The following NBEA variants were observed in gnomAD, a reference collection of about 807,000 sequenced individuals.
The protein encoded by NBEA is lysosomal-trafficking regulator 2.
A neutral mutation model predicts 343.4 loss-of-function variants in NBEA; 44 were observed. That is an observed-to-expected ratio of 0.13 (90% CI 0.10 to 0.16). The LOEUF is 0.16. Among genes scored for constraint, NBEA ranks in the 10% least tolerant of loss-of-function variants. The pLI is 1.00. For missense variants in NBEA, 2,555 were observed against 3,631.3 expected (o/e 0.70, Z 7.62); for synonymous variants, 1,175 against 1,238.7 (o/e 0.95, Z 1.08).
At chr13:35,295,165 T>C (rs547401879) in intron 35 of NBEA, among the ~76,000 whole-genome samples, 2 of 148,792 alleles carry the variant, frequency 1.3e-5, no homozygotes, top group East Asian at 3.9e-4. Flanking sequence ...TAATATTTAT[T>C]TGTTTATCTA....
At chr13:35,157,363 T>C in intron 21 of NBEA, 93 bp downstream of exon 21, 1 of 987,930 alleles carries the variant, frequency 1.0e-6, no homozygotes, top group Non-Finnish European at 1.4e-6. Flanking sequence ...TGTGGGCATC[T>C]TAGATTTTGA....
chr13:35,038,172 G>A (rs1189240836), intron 1 of NBEA, among the ~76,000 whole-genome samples: 1 of 152,044 alleles, frequency 6.6e-6, no homozygotes, highest in African/African-American at 2.4e-5. Flanking sequence ...GAGGAGTACT[G>A]CCAGAGTACC....
At chr13:35,235,877 G>A (rs1003613244) in intron 34 of NBEA, among the ~76,000 whole-genome samples, 4 of 151,886 alleles carry the variant, frequency 2.6e-5, no homozygotes, top group Non-Finnish European at 5.9e-5. Context: ...AGGTGAACCT[G>A]GATTTTTTTT....
At chr13:35,546,223 A>G (rs568938734) in intron 41 of NBEA, among the ~76,000 whole-genome samples, 18 of 152,286 alleles carry the variant, frequency 1.2e-4, no homozygotes, top group African/African-American at 4.3e-4. Flanking sequence ...AACAGTGATA[A>G]GATAGGCTGT....
intron 10 of NBEA, among the ~76,000 whole-genome samples, chr13:35,095,867 C>T (rs2065307780): frequency 6.6e-6 from 1 of 151,884 alleles, no homozygotes; most frequent in South Asian, 2.1e-4. Flanking sequence ...CAGATACTTG[C>T]TTTTTGGTTT....
intron 38 of NBEA, 133 bp from the exon 39 acceptor site, chr13:35,432,136 A>G: frequency 1.8e-6 from 1 of 550,888 alleles, no homozygotes; most frequent in Non-Finnish European, 3.0e-6. Flanking sequence ...ATACAAGTGT[A>G]AAATATAAGT....
intron 38 of NBEA, among the ~76,000 whole-genome samples, chr13:35,426,250 C>T (rs907280141): frequency 2.6e-5 from 4 of 152,176 alleles, no homozygotes; most frequent in African/African-American, 9.7e-5. Flanking sequence ...CCTCGATGTT[C>T]GTTACAATTT....
At chr13:35,667,043 G>C (rs546357459) in intron 56 of NBEA, among the ~76,000 whole-genome samples, 38 of 152,232 alleles carry the variant, frequency 2.5e-4, no homozygotes, top group African/African-American at 9.1e-4. Flanking sequence ...TTCTAAAAGC[G>C]TATTAAGAGA....
At chr13:35,184,443 T>C (rs1217053532) in intron 30 of NBEA, among the ~76,000 whole-genome samples, 9 of 152,050 alleles carry the variant, frequency 5.9e-5, no homozygotes, top group Admixed American at 5.9e-4. Flanking sequence ...AACTGATCTA[T>C]ACGTTATTTA....
At chr13:35,109,878 T>C (rs1566299110) in intron 12 of NBEA, among the ~76,000 whole-genome samples, 2 of 151,826 alleles carry the variant, frequency 1.3e-5, no homozygotes, top group African/African-American at 4.8e-5. Context: ...TTCCAGATAA[T>C]AACAGAAAAT....
At chr13:35,091,528 C>T (rs528372263) in intron 10 of NBEA, among the ~76,000 whole-genome samples, 24 of 151,976 alleles carry the variant, frequency 1.6e-4, no homozygotes, top group African/African-American at 5.5e-4. Context: ...ACATGATTGT[C>T]TATGTAAAAA....
chr13:35,562,000 C>T (rs908775767), intron 44 of NBEA, among the ~76,000 whole-genome samples: 9 of 151,872 alleles, frequency 5.9e-5, no homozygotes, highest in African/African-American at 9.7e-5. Flanking sequence ...AAAGTCTAAC[C>T]GTAAATATCA....
intron 36 of NBEA, among the ~76,000 whole-genome samples, chr13:35,309,846 T>C (rs2037234634): frequency 6.6e-6 from 1 of 152,074 alleles, no homozygotes; most frequent in South Asian, 2.1e-4. Flanking sequence ...TTTTACTGAG[T>C]AGTAAAGTTG....
At chr13:35,028,495 T>C (rs1018706450) in intron 1 of NBEA, among the ~76,000 whole-genome samples, 5 of 151,880 alleles carry the variant, frequency 3.3e-5, no homozygotes, top group African/African-American at 1.2e-4. Context: ...TGTATGTTGA[T>C]CCTGTTACCT....
intron 44 of NBEA, among the ~76,000 whole-genome samples, chr13:35,561,773 A>ACACATTTACTGTATG (rs1476889631): frequency 1.3e-5 from 2 of 152,132 alleles, no homozygotes; most frequent in Non-Finnish European, 2.9e-5. Context: ...ATAAATAAAC[A>ACACATTTACTGTATG]CACATTTACT....
chr13:35,292,520 T>C (rs1255257502), intron 35 of NBEA, among the ~76,000 whole-genome samples: 1 of 152,002 alleles, frequency 6.6e-6, no homozygotes, highest in Non-Finnish European at 1.5e-5. Context: ...TTAGTACAGT[T>C]CTGTAGGCCG....
intron 1 of NBEA, among the ~76,000 whole-genome samples, chr13:35,013,200 C>A (rs1458017717): frequency 3.9e-5 from 6 of 152,146 alleles, no homozygotes; most frequent in Admixed American, 3.9e-4. Context: ...GAATGGTCAA[C>A]AAGACCAATG....
At position 35,109,451 on chromosome 13, in the gene NBEA, T is replaced by C; in HGVS notation, c.1833+9T>C. The stretch of plus-strand genomic sequence containing the variant: ...TACATACACCTGCAAAGGTATGAAT[T>C]TTATACTTATTCAGTTTGATTTAGT... On this transcript the variant is annotated intron_variant, in intron 12 of 58. Coordinates refer to ENST00000379939, the MANE Select transcript of NBEA (RefSeq NM_001385012.1). 1 of 1,589,916 alleles carries C rather than the reference T, an allele frequency of 6.3e-7. No homozygotes were observed. The highest frequency in any genetic ancestry group is 8.5e-7 in the Non-Finnish European group (1 of 1,169,756).
chr13:35,551,081 A>G (rs2079299341), intron 43 of NBEA, 49 bp downstream of exon 43: 5 of 1,072,950 alleles, frequency 4.7e-6, no homozygotes, highest in East Asian at 4.9e-5. Flanking sequence ...ACATATTTCA[A>G]TCTCAATATT....
Sources: gnomAD v4.1 joint callset for allele counts (sites outside exome capture counted in the v4.1 genomes callset) on GRCh38, gnomAD v4.1.1 for gene constraint, MANE v1.5 for transcripts, NCBI Gene and HGNC (gene_info 2026-07-23, HGNC 2026-07-21) for gene names.